Variants in ARHGAP6 observed in about 807,000 individuals in gnomAD.
The protein encoded by ARHGAP6 is Rho GTPase activating protein 6.
A neutral mutation model predicts 55.7 loss-of-function variants in ARHGAP6; 16 were observed. That is an observed-to-expected ratio of 0.29 (90% CI 0.19 to 0.44). The LOEUF is 0.44. Ranked by LOEUF, ARHGAP6 falls within the 20% of genes least tolerant of loss-of-function variation. ARHGAP6 has a pLI of 1.00. For missense variants in ARHGAP6, 698 were observed against 808.9 expected (o/e 0.86, Z 1.66); for synonymous variants, 382 against 360.9 (o/e 1.06, Z -0.66).
chrX:11,448,988 C>T (rs2050119376), intron 1 of ARHGAP6, among the ~76,000 whole-genome samples: 2 of 111,376 alleles, frequency 1.8e-5, no homozygotes, highest in African/African-American at 3.3e-5. Context: ...CAGTTTGGTG[C>T]GGGAGGCTGG....
At chrX:11,347,293 G>T (rs889069643) in intron 1 of ARHGAP6, among the ~76,000 whole-genome samples, 1 of 112,147 alleles carries the variant, frequency 8.9e-6, no homozygotes, top group African/African-American at 3.2e-5. Context: ...ATAAGTAAAA[G>T]CTTATTTTTA....
At chrX:11,405,283 C>T (rs1205303813) in intron 1 of ARHGAP6, among the ~76,000 whole-genome samples, 1 of 111,795 alleles carries the variant, frequency 8.9e-6, no homozygotes, top group Admixed American at 9.5e-5. Flanking sequence ...TGATCTCTAC[C>T]ACTCTGCTCC....
chrX:11,567,563 A>AT (rs2051457570), intron 1 of ARHGAP6, among the ~76,000 whole-genome samples: 2 of 99,243 alleles, frequency 2.0e-5, no homozygotes, highest in African/African-American at 7.6e-5. Context: ...CAAAAAAAAA[A>AT]AAAATATATA....
At chrX:11,413,840 G>A in intron 1 of ARHGAP6, among the ~76,000 whole-genome samples, 1 of 112,038 alleles carries the variant, frequency 8.9e-6, no homozygotes, top group Non-Finnish European at 1.9e-5. Context: ...TGTAGAGATT[G>A]GACAAGGCAA....
intron 2 of ARHGAP6, among the ~76,000 whole-genome samples, chrX:11,214,779 A>G (rs951200690): frequency 8.8e-6 from 1 of 113,172 alleles, no homozygotes; most frequent in African/African-American, 3.2e-5. Flanking sequence ...GGCTGCTCTC[A>G]AGAGAACCGA....
intron 2 of ARHGAP6, among the ~76,000 whole-genome samples, chrX:11,227,577 C>A (rs2047067380): frequency 9.1e-6 from 1 of 110,386 alleles, no homozygotes; most frequent in African/African-American, 3.3e-5. Context: ...GCTTCCTAGC[C>A]CTTCCCTCTT....
intron 1 of ARHGAP6, among the ~76,000 whole-genome samples, chrX:11,378,756 T>C (rs913691205): frequency 3.6e-5 from 4 of 112,550 alleles, no homozygotes; most frequent in South Asian, 3.7e-4. Context: ...AGATTATTTC[T>C]ATGGCACTTT....
At chrX:11,382,079 G>C (rs1251144322) in intron 1 of ARHGAP6, among the ~76,000 whole-genome samples, 1 of 111,709 alleles carries the variant, frequency 9.0e-6, no homozygotes, top group Non-Finnish European at 1.9e-5. Flanking sequence ...AATGTTGTTG[G>C]TTGTGGTAGT....
chrX:11,613,510 C>T (rs1396075502), intron 1 of ARHGAP6, among the ~76,000 whole-genome samples: 1 of 112,211 alleles, frequency 8.9e-6, no homozygotes, highest in Admixed American at 9.4e-5. Context: ...TGTCCTTTAG[C>T]TAGTTCAATC....
At chrX:11,153,714 C>A (rs927442221) in intron 10 of ARHGAP6, among the ~76,000 whole-genome samples, 1 of 110,264 alleles carries the variant, frequency 9.1e-6, no homozygotes, top group Non-Finnish European at 1.9e-5. Flanking sequence ...AAAAACCAAA[C>A]ACTTTCTTCT....
At chrX:11,147,961 T>C (rs1402573184) in intron 10 of ARHGAP6, among the ~76,000 whole-genome samples, 1 of 112,010 alleles carries the variant, frequency 8.9e-6, no homozygotes, top group African/African-American at 3.3e-5. Flanking sequence ...AACCCATCAT[T>C]GTGAGTCAGC....
At chrX:11,452,239 C>T (rs942894370) in intron 1 of ARHGAP6, among the ~76,000 whole-genome samples, 2 of 112,044 alleles carry the variant, frequency 1.8e-5, no homozygotes, top group African/African-American at 6.5e-5. Flanking sequence ...GCTCCGCCTC[C>T]CAGGTTCAAG....
chrX:11,348,284 T>C (rs2048813542), intron 1 of ARHGAP6, among the ~76,000 whole-genome samples: 1 of 112,582 alleles, frequency 8.9e-6, no homozygotes, highest in Admixed American at 9.4e-5. Context: ...GTGGTTTTGG[T>C]TCGTAGGTCA....
At chrX:11,379,667 T>C (rs2049240918) in intron 1 of ARHGAP6, among the ~76,000 whole-genome samples, 1 of 111,881 alleles carries the variant, frequency 8.9e-6, no homozygotes, top group Non-Finnish European at 1.9e-5. Flanking sequence ...CATGTGTCTG[T>C]TGTTTAGGGC....
intron 1 of ARHGAP6, chrX:11,298,504 G>A (rs1420484946): frequency 4.1e-6 from 5 of 1,204,947 alleles, no homozygotes; most frequent in Non-Finnish European, 5.6e-6. Context: ...TCTGGTTGGA[G>A]TCACCTGAGC....
chrX:11,656,885 G>A (rs1217382661), intron 1 of ARHGAP6, among the ~76,000 whole-genome samples: 2 of 112,213 alleles, frequency 1.8e-5, no homozygotes, highest in Non-Finnish European at 3.8e-5. Flanking sequence ...CAGTCCTCTC[G>A]TCAAAATGCA....
At chrX:11,587,783 T>C (rs1468683803) in intron 1 of ARHGAP6, among the ~76,000 whole-genome samples, 1 of 111,970 alleles carries the variant, frequency 8.9e-6, no homozygotes, top group East Asian at 2.8e-4. Context: ...GAAATGGATT[T>C]CCTGAAAGGA....
chrX:11,626,314 T>C (rs965309551), intron 1 of ARHGAP6, among the ~76,000 whole-genome samples: 1 of 111,835 alleles, frequency 8.9e-6, no homozygotes, highest in Non-Finnish European at 1.9e-5. Context: ...AGAAATTCAA[T>C]TGTCAATTTG....
chrX:11,250,949 A>G (rs1393142184), intron 2 of ARHGAP6, among the ~76,000 whole-genome samples: 1 of 112,457 alleles, frequency 8.9e-6, no homozygotes, highest in Non-Finnish European at 1.9e-5. Flanking sequence ...TTGAACTAGA[A>G]AAGTCCTAAC....
Sources: allele counts gnomAD v4.1 joint callset (sites outside exome capture counted in the v4.1 genomes callset), GRCh38; gene constraint gnomAD v4.1.1; transcripts MANE v1.5; gene names NCBI Gene and HGNC (gene_info 2026-07-23, HGNC 2026-07-21).